Variants in ZBTB48 observed in about 807,000 individuals in gnomAD.
The protein encoded by ZBTB48 is zinc finger and BTB domain containing 48, also known as zinc finger and BTB domain-containing protein 48.
ZBTB48 carries 35 observed loss-of-function variants against 64.5 expected under a neutral mutation model. The ratio of observed to expected loss-of-function variants is 0.54; its 90% CI spans 0.41 to 0.72. The LOEUF (loss-of-function observed/expected upper bound fraction) is 0.72, where lower values mean the gene tolerates loss of function less well. Ranked by LOEUF, ZBTB48 falls within the 30% of genes least tolerant of loss-of-function variation. The pLI, the probability that ZBTB48 is intolerant of heterozygous loss-of-function variation, is 0.00. For missense variants in ZBTB48, 828 were observed against 895.3 expected (o/e 0.92, Z 0.96); for synonymous variants, 442 against 356.7 (o/e 1.24, Z -2.70).
rs563499244 is a variant in ZBTB48, at chr1:6,584,843, G to A, written c.933-1076G>A. Among the ~76,000 whole-genome samples, 2 of 152,316 alleles carry A rather than the reference G, an allele frequency of 1.3e-5. No individual in the cohort carries two copies. The highest frequency in any genetic ancestry group is 2.9e-5 in the Non-Finnish European group (2 of 68,024). On this transcript the variant is annotated intron_variant, in intron 3 of 10. Transcript: ENST00000377674. This position sits in a 1 kb window ranked among gnomAD's most constrained non-coding sequence, Gnocchi z 4.5. ...GCTTGGCCTCTGGAAGGTGGGAGGA[G>A]CTGTCGCAGGCTGCACAGGGGCTCT... is the stretch of plus-strand genomic sequence containing the variant.
chr1:6,589,191 C>T lies in ZBTB48; in HGVS notation c.2046C>T (p.Val682=). 6.6e-7 allele frequency: 1 copy of T among 1,525,518 alleles called. No homozygotes were observed. The highest frequency in any genetic ancestry group is 2.2e-5 in the Admixed American group (1 of 45,280). 94.5% of individuals were successfully genotyped at this position (1,525,518 alleles called of 1,614,324 possible). The change falls in exon 11 of 11, where the codon GTC becomes GTT. Residue 682 remains valine, a synonymous_variant. Transcript: ENST00000377674. Reference sequence around the variant, plus strand: ...CCTCCCTCATCATCACAGCTGCTGTCCCCGAGGACTGTGACACATAGCCCA... The same window carrying T: ...CCTCCCTCATCATCACAGCTGCTGTTCCCGAGGACTGTGACACATAGCCCA... ...LEPSLIITAA[V]PEDCDT is the part of the protein sequence containing the mutation.
chr1:6,580,543 G>C lies in ZBTB48; in HGVS notation c.-67G>C. 1 of 1,511,116 alleles carries C rather than the reference G, an allele frequency of 6.6e-7. No individual in the cohort carries two copies. Among genetic ancestry groups the C allele is most frequent in the Non-Finnish European group, 8.9e-7 (1 of 1,117,558 alleles). The allele number at this position is 1,511,116 out of a possible 1,614,324, so 93.6% of individuals were successfully genotyped here. A position where few individuals can be genotyped will look rare whatever the true frequency, so the allele number is the denominator to read the frequency against. On this transcript the variant is annotated splice_region_variant and 5_prime_UTR_variant, in exon 2 of 11. Transcript: ENST00000377674. This position sits in a 1 kb window ranked among gnomAD's most constrained non-coding sequence, Gnocchi z 5.2. ...CCGTTTCTCTCTCTTGACTCCAGGA[G>C]CTTTCTCTTGCATACCCTCGCTTAG...
In ZBTB48 at chr1:6,586,710, G is replaced by T. The variant is rs1640681754; in HGVS notation, c.1060G>T (p.Val354Leu). Reference protein sequence around the residue: ...NRSEQVFTCSVCQETFRRRME... With the variant: ...NRSEQVFTCSLCQETFRRRME... ...ACACTGCCAGGTCTTCACGTGCTCT[G>T]TGTGCCAGGAGACATTCCGCCGAAG... The change falls in exon 5 of 11, where the codon GTG (valine) becomes TTG (leucine). Residue 354 changes from valine to leucine, a missense_variant. Physicochemically the swap from Val to Leu is conservative, Grantham distance 32 (BLOSUM62 1). Transcript: ENST00000377674. 1 of 1,565,220 alleles carries T rather than the reference G, an allele frequency of 6.4e-7. No individual in the cohort carries two copies. Among genetic ancestry groups the T allele is most frequent in the African/African-American group, 1.4e-5 (1 of 73,788 alleles).
chr1:6,582,633 C>G (rs1156732093), intron 3 of ZBTB48, among the ~76,000 whole-genome samples: 1 of 152,226 alleles, frequency 6.6e-6, no homozygotes, highest in Non-Finnish European at 1.5e-5. Flanking sequence ...GGGGCCCAAC[C>G]TTAGGTGTTT....
Position 6,587,531 on chromosome 1 carries a change from A to G in ZBTB48, c.1278A>G (p.Glu426=), listed in dbSNP as rs1640718222. The change falls in exon 7 of 11, where the codon GAA becomes GAG. Residue 426 remains glutamate (E), a synonymous_variant. Transcript: ENST00000377674. ...CTCGGACAGAGCTGCAGCTGCATGA[A>G]GCTTTCAAGCACCGTGGTGAGAAGC... The part of the protein sequence containing the change: ...FLSRTELQLH[E]AFKHRGEKLF... The G allele has an allele frequency of 6.2e-7, 1 of 1,613,964 alleles. No homozygotes were observed.
chr1:6,587,706 G>A, intron 7 of ZBTB48, 74 bp downstream of exon 7: 2 of 1,583,438 alleles, frequency 1.3e-6, no homozygotes, highest in Non-Finnish European at 8.6e-7. Flanking sequence ...GGAAGACAGA[G>A]TTTGCTGACT....
At chr1:6,583,409 T>C (rs1399060138) in intron 3 of ZBTB48, among the ~76,000 whole-genome samples, 1 of 152,024 alleles carries the variant, frequency 6.6e-6, no homozygotes, top group Non-Finnish European at 1.5e-5. Context: ...CAAGCGATTC[T>C]CCTGTCTCAG....
chr1:6,582,896 C>T (rs1640520591), intron 3 of ZBTB48, among the ~76,000 whole-genome samples: 1 of 152,242 alleles, frequency 6.6e-6, no homozygotes, highest in Admixed American at 6.5e-5. Context: ...TCTCAAACTC[C>T]TGGGCTCAAT....
At chr1:6,583,248 C>G (rs545332643) in intron 3 of ZBTB48, among the ~76,000 whole-genome samples, 1 of 152,242 alleles carries the variant, frequency 6.6e-6, no homozygotes, top group East Asian at 1.9e-4. Context: ...CTTGGCCTCC[C>G]AAAGTGCTGG....
intron 7 of ZBTB48, 130 bp from the exon 8 acceptor site, chr1:6,587,930 G>A: frequency 7.6e-7 from 1 of 1,307,922 alleles, no homozygotes; most frequent in Non-Finnish European, 1.0e-6. Flanking sequence ...TCTGCTCTCG[G>A]GGTGGAGGTG....
At chr1:6,586,272 C>T in intron 4 of ZBTB48, 1 of 549,454 alleles carries the variant, frequency 1.8e-6, no homozygotes, top group Non-Finnish European at 3.2e-6. Flanking sequence ...CTTTCCTAGG[C>T]CCCTGGCCCA....
intron 3 of ZBTB48, 118 bp downstream of exon 3, chr1:6,582,417 A>G (rs897288447): frequency 7.5e-7 from 1 of 1,341,272 alleles, no homozygotes; most frequent in Non-Finnish European, 1.0e-6. Flanking sequence ...TCAGACCCAC[A>G]TAGTGTCTGG....
intron 7 of ZBTB48, among the ~76,000 whole-genome samples, chr1:6,587,848 C>G (rs775678417): frequency 1.3e-5 from 2 of 152,196 alleles, no homozygotes; most frequent in Non-Finnish European, 2.9e-5. Flanking sequence ...CAGGCTCAGA[C>G]AAGCCTCTGT....
chr1:6,581,996 C>T, intron 2 of ZBTB48, 62 bp from the exon 3 acceptor site: 2 of 1,595,292 alleles, frequency 1.3e-6, no homozygotes, highest in Non-Finnish European at 1.7e-6. Flanking sequence ...GAGCTGGGTC[C>T]CTACAACTCC....
In ZBTB48 at chr1:6,588,958, AACT is replaced by A; in HGVS notation, c.1816_1818del (p.Tyr606del). 3.7e-6 allele frequency: 6 copies of A among 1,607,304 alleles called. No homozygotes were observed. The highest frequency in any genetic ancestry group is 5.1e-6 in the Non-Finnish European group (6 of 1,175,800). ...CATGGAGATCCACGACCGGGTAGAGAACTACAACCCGCGGCAGCGCAAGCTCCG... is the reference window on the plus strand; with the variant it reads ...CATGGAGATCCACGACCGGGTAGAGAACAACCCGCGGCAGCGCAAGCTCCG... On this transcript the variant is annotated inframe_deletion, in exon 11 of 11. Coordinates refer to ENST00000377674, the MANE Select transcript of ZBTB48 (RefSeq NM_005341.4).
rs139199668 is a variant in ZBTB48 at position 6,586,013 on chromosome 1, A to G, written c.1027A>G (p.Met343Val). 2.5e-6 allele frequency: 4 copies of G among 1,614,030 alleles called. No individual in the cohort carries two copies. Among genetic ancestry groups the G allele is most frequent in the Admixed American group, 1.7e-5 (1 of 60,012 alleles). The change falls in exon 4 of 11, where the codon ATG (methionine) becomes GTG (valine). Residue 343 changes from methionine (M) to valine (V), a missense_variant. Met to Val is a conservative substitution (Grantham distance 21). Coordinates refer to ENST00000377674, the MANE Select transcript of ZBTB48 (RefSeq NM_005341.4). ...NLLEHEARNC[M>V]NRSEQVFTCS... is the part of the protein sequence containing the mutation. The stretch of plus-strand genomic sequence containing the variant: ...CCTGGAGCATGAAGCCCGGAATTGC[A>G]TGAACCGCTCGGAACAGGTACTTGG...
intron 5 of ZBTB48, 122 bp from the exon 6 acceptor site, chr1:6,587,083 G>A: frequency 1.8e-6 from 2 of 1,099,278 alleles, no homozygotes; most frequent in Non-Finnish European, 2.7e-6. Flanking sequence ...ACCAGATCAG[G>A]GGTCCTCCCA....
At position 6,588,127 on chromosome 1, in the gene ZBTB48, C is replaced by T. The variant is rs1168129244; in HGVS notation, c.1447C>T (p.His483Tyr). ...CACCCAAAAGGCCAATCTCAACATG[C>T]ACCTGCGCACACACACGGGTGAGAA... The part of the protein sequence containing the change: ...AFTQKANLNM[H>Y]LRTHTGEKPF... The change falls in exon 8 of 11, where the codon CAC becomes TAC. Residue 483 changes from histidine to tyrosine, a missense_variant. Physicochemically the swap from His to Tyr is moderately conservative, Grantham distance 83. Coordinates refer to ENST00000377674, the MANE Select transcript of ZBTB48 (RefSeq NM_005341.4). The T allele has an allele frequency of 1.2e-6, 2 of 1,614,194 alleles. No homozygotes were observed. Among genetic ancestry groups the T allele is most frequent in the Non-Finnish European group, 1.7e-6 (2 of 1,180,046 alleles).
rs776021818 is a variant in ZBTB48, at chr1:6,588,403, C to A, written c.1642C>A (p.Arg548=). The change falls in exon 9 of 11, where the codon CGG becomes AGG. Residue 548 remains arginine, a synonymous_variant. Coordinates refer to ENST00000377674, the MANE Select transcript of ZBTB48 (RefSeq NM_005341.4). ...RHVASRHQEG[R]PHFCQICGKT... ...CGTGGCCAGCCGCCATCAGGAGGGC[C>A]GGCCCCACTTCTGCCAGATATGCGG... The A allele has an allele frequency of 6.4e-7, 1 of 1,573,876 alleles. No individual in the cohort carries two copies. Among genetic ancestry groups the A allele is most frequent in the Non-Finnish European group, 8.6e-7 (1 of 1,157,220 alleles).
Sources: allele counts gnomAD v4.1 joint callset (sites outside exome capture counted in the v4.1 genomes callset), GRCh38; gene constraint gnomAD v4.1.1; non-coding constraint Gnocchi (gnomAD v3.1); transcripts MANE v1.5; gene names NCBI Gene and HGNC (gene_info 2026-07-23, HGNC 2026-07-21).